INA: variants seen among roughly 807,000 people sequenced by gnomAD.
INA encodes alpha-internexin.
In INA, 35 loss-of-function variants were observed where a neutral mutation model predicts 40.1. That is an observed-to-expected ratio of 0.87 (90% confidence interval 0.67 to 1.16). The LOEUF (loss-of-function observed/expected upper bound fraction) is 1.16, where lower values mean the gene tolerates loss of function less well. Among genes scored for constraint, INA ranks in the 50% most tolerant of loss-of-function variants. The pLI is 0.00. For missense variants in INA, 594 were observed against 686.7 expected (o/e 0.87, Z 1.51); for synonymous variants, 290 against 316.9 (o/e 0.92, Z 0.90).
chr10:103,278,103 G>C lies in INA; in HGVS notation c.892G>C (p.Ala298Pro). ...KSKFANLNEQ[A>P]ARSTEAIRAS... ...CAAGTTTGCCAACCTGAACGAGCAG[G>C]CGGCGCGCAGCACCGAGGCCATCCG... Residue 298 changes from alanine to proline, a missense_variant, in exon 1 of 3, where the codon GCG becomes CCG. Physicochemically the swap from Ala to Pro is conservative, Grantham distance 27 (BLOSUM62 -1). Transcript: ENST00000369849. The surrounding 1 kb of genome is among the most constrained non-coding windows in gnomAD (Gnocchi z 4.9). 3.1e-6 allele frequency: 5 copies of C among 1,613,414 alleles called. No homozygotes were observed. The highest frequency in any genetic ancestry group is 4.2e-6 in the Non-Finnish European group (5 of 1,179,930).
chr10:103,286,410 T>A (rs183982539), intron 1 of INA, among the ~76,000 whole-genome samples: 104 of 151,488 alleles, frequency 6.9e-4, no homozygotes, highest in African/African-American at 1.7e-3. Context: ...TATAAAGCGA[T>A]TTCTCTTCCA....
Position 103,278,898 on chromosome 10 carries a change from C to T in INA, c.1065+622C>T, listed in dbSNP as rs1377158908. On this transcript the variant is annotated intron_variant, in intron 1 of 2. Transcript: ENST00000369849. The surrounding 1 kb of genome is among the most constrained non-coding windows in gnomAD (Gnocchi z 4.9). ...CACACACACACACGATTCCCTTGTC[C>T]ACCAGCACACACACACACACACACA... 6.9e-6 allele frequency among the ~76,000 whole-genome samples: 1 copy of T among 145,700 alleles called. No homozygotes were observed. The highest frequency in any genetic ancestry group is 1.5e-5 in the Non-Finnish European group (1 of 66,400).
At position 103,277,712 on chromosome 10, in the gene INA, G is replaced by C; in HGVS notation, c.501G>C (p.Glu167Asp). ...ASSARSQALLERDGLAEEVQR... is the reference protein window; with the variant it reads ...ASSARSQALLDRDGLAEEVQR... ...CGGCTCGCTCGCAGGCCCTGCTGGA[G>C]CGCGACGGGCTGGCGGAGGAGGTGC... Residue 167 changes from glutamate (E) to aspartate (D), a missense_variant, in exon 1 of 3, where the codon GAG (glutamate) becomes GAC (aspartate). Coordinates refer to ENST00000369849, the MANE Select transcript of INA (RefSeq NM_032727.4). This position sits in a 1 kb window ranked among gnomAD's most constrained non-coding sequence, Gnocchi z 5.6. The C allele has an allele frequency of 1.4e-6, 2 of 1,388,710 alleles. No homozygotes were observed. The highest frequency in any genetic ancestry group is 3.3e-5 in the South Asian group (2 of 60,278). The allele number at this position is 1,388,710 out of a possible 1,614,324, so 86.0% of individuals were successfully genotyped here. A position where few individuals can be genotyped will look rare whatever the true frequency, so the allele number is the denominator to read the frequency against.
intron 1 of INA, chr10:103,280,820 G>T: frequency 1.0e-6 from 1 of 985,398 alleles, no homozygotes; most frequent in Non-Finnish European, 1.2e-6. Flanking sequence ...AAGCTGATGG[G>T]GTTTCCATTT....
chr10:103,285,980 TAAC>T (rs995859553), intron 1 of INA, among the ~76,000 whole-genome samples: 25 of 151,698 alleles, frequency 1.6e-4, no homozygotes, highest in African/African-American at 6.0e-4. Context: ...ATAGAGGAAA[TAAC>T]AAGCCTGAAG....
chr10:103,282,758 G>A (rs992238482), intron 1 of INA, among the ~76,000 whole-genome samples: 11 of 151,824 alleles, frequency 7.2e-5, no homozygotes, highest in African/African-American at 2.4e-4. Context: ...AAAAAATCTG[G>A]TGCTTTAAGG....
intron 1 of INA, among the ~76,000 whole-genome samples, chr10:103,283,078 C>CATT (rs149095606): frequency 0.02 from 3,060 of 152,162 alleles, 72 homozygotes; most frequent in South Asian, 0.075. Context: ...AAAGAGTAAA[C>CATT]ATAACTTTCC....
rs375415370 is a variant in INA at position 103,278,000 on chromosome 10, G to A, written c.789G>A (p.Ser263=). 2.5e-6 allele frequency: 4 copies of A among 1,600,706 alleles called. No homozygotes were observed. The highest frequency in any genetic ancestry group is 2.3e-5 in the East Asian group (1 of 44,068). The change falls in exon 1 of 3, where the codon TCG becomes TCA. Residue 263 remains serine, a synonymous_variant. Transcript: ENST00000369849. The surrounding 1 kb of genome is among the most constrained non-coding windows in gnomAD (Gnocchi z 5.6). ...CTGTGGCTAAACCAGACCTGACCTC[G>A]GCTCTGAGGGAGATCCGCGCCCAGT... The part of the protein sequence containing the change: ...DVTVAKPDLT[S]ALREIRAQYE...
chr10:103,284,526 C>T (rs890358632), intron 1 of INA, among the ~76,000 whole-genome samples: 3 of 152,028 alleles, frequency 2.0e-5, no homozygotes, highest in Admixed American at 6.6e-5. Flanking sequence ...GAGGCTGAGG[C>T]GGGCGGATCA....
At chr10:103,286,335 C>CAAAAA (rs71019675) in intron 1 of INA, among the ~76,000 whole-genome samples, 7 of 51,700 alleles carry the variant, frequency 1.4e-4, no homozygotes, top group African/African-American at 1.6e-4. Flanking sequence ...GACCTTGTCT[C>CAAAAA]AAAAAAAAAA....
At chr10:103,286,183 A>G (rs1428031452) in intron 1 of INA, among the ~76,000 whole-genome samples, 1 of 151,912 alleles carries the variant, frequency 6.6e-6, no homozygotes, top group Non-Finnish European at 1.5e-5. Context: ...AATCTTTTTT[A>G]ACTAGCCAGG....
At chr10:103,282,770 A>G (rs2093075450) in intron 1 of INA, among the ~76,000 whole-genome samples, 1 of 152,122 alleles carries the variant, frequency 6.6e-6, no homozygotes, top group Admixed American at 6.6e-5. Flanking sequence ...GCTTTAAGGT[A>G]TATGCCTCCA....
At chr10:103,280,669 T>C in intron 1 of INA, 8 of 985,392 alleles carry the variant, frequency 8.1e-6, no homozygotes, top group Non-Finnish European at 9.6e-6. Flanking sequence ...TCTTACACTT[T>C]TGAAAGGGTA....
intron 1 of INA, chr10:103,280,852 G>T: frequency 2.1e-5 from 21 of 985,366 alleles, no homozygotes; most frequent in Non-Finnish European, 2.5e-5. Context: ...CAATGCTGGT[G>T]CCTACATAGC....
At chr10:103,286,449 G>GTC (rs1002681499) in intron 1 of INA, among the ~76,000 whole-genome samples, 1 of 151,684 alleles carries the variant, frequency 6.6e-6, no homozygotes, top group Admixed American at 6.6e-5. Flanking sequence ...ATTCTGTGGA[G>GTC]TATTTCTGCT....
intron 1 of INA, among the ~76,000 whole-genome samples, chr10:103,281,893 A>G (rs2093073477): frequency 6.6e-6 from 1 of 152,094 alleles, no homozygotes; most frequent in Non-Finnish European, 1.5e-5. Context: ...TCCAGGAGAG[A>G]CCCCAGCTGG....
chr10:103,280,739 G>A (rs991511506), intron 1 of INA: 9 of 985,428 alleles, frequency 9.1e-6, no homozygotes, highest in Non-Finnish European at 9.6e-6. Flanking sequence ...TCTGAATCAG[G>A]CAAGAGAAGA....
rs2093060321 is a variant in INA at position 103,277,144 on chromosome 10, C to T, written c.-68C>T. 2.7e-6 allele frequency: 4 copies of T among 1,471,878 alleles called. No individual in the cohort carries two copies. The African/African-American group carries it at 4.4e-5, about 16-fold the overall frequency. The allele number at this position is 1,471,878 out of a possible 1,614,324, so 91.2% of individuals were successfully genotyped here. A position where few individuals can be genotyped will look rare whatever the true frequency, so the allele number is the denominator to read the frequency against. On this transcript the variant is annotated 5_prime_UTR_variant, in exon 1 of 3. Coordinates refer to ENST00000369849, the MANE Select transcript of INA (RefSeq NM_032727.4). The surrounding 1 kb of genome is among the most constrained non-coding windows in gnomAD (Gnocchi z 5.6). ...GGGCGCACCGCCCCGCCGCGCCCTG[C>T]CTGCCGCACCTCTCCTTTCTTCTGT...
chr10:103,285,678 C>T (rs1471093893), intron 1 of INA, among the ~76,000 whole-genome samples: 2 of 139,034 alleles, frequency 1.4e-5, no homozygotes, highest in African/African-American at 2.7e-5. Context: ...AATGCAGTGG[C>T]GCGATCTCGT....
Sources: allele counts gnomAD v4.1 joint callset (sites outside exome capture counted in the v4.1 genomes callset), GRCh38; gene constraint gnomAD v4.1.1; non-coding constraint Gnocchi (gnomAD v3.1); transcripts MANE v1.5; gene names NCBI Gene and HGNC (gene_info 2026-07-23, HGNC 2026-07-21).